The following DCBLD2 variants were observed in gnomAD, a reference collection of about 807,000 sequenced individuals.
DCBLD2 encodes discoidin, CUB and LCCL domain containing 2, also known as discoidin, CUB and LCCL domain-containing protein 2.
Under a neutral mutation model 86.8 loss-of-function variants are expected in DCBLD2, and 54 were observed. That is an observed-to-expected ratio of 0.62 (90% CI 0.50 to 0.78). The LOEUF (loss-of-function observed/expected upper bound fraction) is 0.78, where lower values mean the gene tolerates loss of function less well. Ranked by LOEUF, DCBLD2 falls within the 30% of genes least tolerant of loss-of-function variation. The pLI is 0.00. For missense variants in DCBLD2, 908 were observed against 954.2 expected (o/e 0.95, Z 0.64); for synonymous variants, 354 against 341.3 (o/e 1.04, Z -0.41).
Position 98,811,794 on chromosome 3 carries a change from T to G in DCBLD2, c.1364-240A>C, listed in dbSNP as rs1410827966. Among the ~76,000 whole-genome samples, 8 of 152,228 alleles carry G rather than the reference T, an allele frequency of 5.3e-5. 1 individual carries two copies. Among genetic ancestry groups the G allele is most frequent in the South Asian group, 4.1e-4 (2 of 4,828 alleles). ...CTGAAAATAATCTTAGGAAGAAGAA[T>G]AATGGGGTGGAAAGTGATGTTGAAT... On this transcript the variant is annotated intron_variant, in intron 10 of 15. Transcript: ENST00000326840.
intron 13 of DCBLD2, among the ~76,000 whole-genome samples, chr3:98,802,975 G>A (rs1941757933): frequency 6.6e-6 from 1 of 152,162 alleles, no homozygotes; most frequent in African/African-American, 2.4e-5. Context: ...TTTGAAGTCA[G>A]GTAACGTGAT....
At chr3:98,820,991 A>G (rs1373839574) in intron 6 of DCBLD2, 1 of 151,730 alleles carries the variant, frequency 6.6e-6, no homozygotes, top group Non-Finnish European at 1.5e-5. Flanking sequence ...GAAAAAAAAA[A>G]AAAAAAAGAA....
chr3:98,863,511 A>G (rs1472922844), intron 2 of DCBLD2, among the ~76,000 whole-genome samples: 1 of 152,230 alleles, frequency 6.6e-6, no homozygotes, highest in Admixed American at 6.5e-5. Flanking sequence ...GGACCAAAAC[A>G]GAGATATAGA....
intron 2 of DCBLD2, among the ~76,000 whole-genome samples, chr3:98,862,701 T>C (rs750631138): frequency 1.8e-4 from 27 of 152,144 alleles, no homozygotes; most frequent in Non-Finnish European, 2.8e-4. Context: ...CAATAAATCA[T>C]GTATTGATGA....
intron 2 of DCBLD2, among the ~76,000 whole-genome samples, chr3:98,849,874 CAAT>C (rs541549381): frequency 7.5e-4 from 86 of 114,002 alleles, no homozygotes; most frequent in African/African-American, 2.5e-3. Context: ...TCTTTCAAAA[CAAT>C]AATGAGGGAC....
At chr3:98,886,804 C>CCG (rs1265021994) in intron 1 of DCBLD2, among the ~76,000 whole-genome samples, 11 of 136,928 alleles carry the variant, frequency 8.0e-5, no homozygotes, top group Non-Finnish European at 1.6e-4. Context: ...AGGAAAACCC[C>CCG]CCCCCTTTTT....
intron 7 of DCBLD2, 49 bp downstream of exon 7, chr3:98,820,199 C>T: frequency 8.0e-7 from 1 of 1,252,790 alleles, no homozygotes; most frequent in Non-Finnish European, 1.0e-6. Flanking sequence ...TAACAGTGTT[C>T]AAAAAATATT....
At chr3:98,867,754 G>A (rs370757675) in intron 2 of DCBLD2, among the ~76,000 whole-genome samples, 1 of 62,540 alleles carries the variant, frequency 1.6e-5, no homozygotes, top group East Asian at 3.2e-4. Context: ...AGGGAATCAT[G>A]GAAAAGCATT....
chr3:98,864,043 C>A (rs190684602), intron 2 of DCBLD2, among the ~76,000 whole-genome samples: 15 of 151,982 alleles, frequency 9.9e-5, no homozygotes, highest in Non-Finnish European at 2.1e-4. Context: ...AGTGGGCGAA[C>A]GATATGAACA....
chr3:98,837,081 G>A (rs1942479265), intron 3 of DCBLD2, among the ~76,000 whole-genome samples: 1 of 16,498 alleles, frequency 6.1e-5, no homozygotes, highest in African/African-American at 2.3e-4. Context: ...CGGACGGGGC[G>A]GCTGGCCGGG....
intron 2 of DCBLD2, among the ~76,000 whole-genome samples, chr3:98,851,175 T>C (rs1942829249): frequency 6.6e-6 from 1 of 152,212 alleles, no homozygotes; most frequent in Non-Finnish European, 1.5e-5. Flanking sequence ...GCAGATGACA[T>C]GACTGTATAT....
chr3:98,879,700 G>A (rs1238619943), intron 2 of DCBLD2, among the ~76,000 whole-genome samples: 2 of 152,158 alleles, frequency 1.3e-5, no homozygotes, highest in African/African-American at 2.4e-5. Flanking sequence ...TCCAAGCAAA[G>A]TCTACATATT....
intron 2 of DCBLD2, among the ~76,000 whole-genome samples, chr3:98,878,219 C>CA (rs1943402749): frequency 2.6e-5 from 4 of 152,202 alleles, no homozygotes; most frequent in Admixed American, 2.6e-4. Context: ...AACTGAGAGA[C>CA]ATCACCTTAG....
At position 98,897,012 on chromosome 3, in the gene DCBLD2, C is replaced by A. The variant is rs556200957; in HGVS notation, c.205+4110G>T. Among the ~76,000 whole-genome samples, 6 of 152,288 alleles carry A rather than the reference C, an allele frequency of 3.9e-5. No individual in the cohort carries two copies. In the South Asian group the frequency reaches 1.2e-3, roughly 32 times the overall value. ...CTAAGTGTAGTCCTAAATTTAAATTCTACTCCTATGTAAATCTAGCCCTTT... is the reference window on the plus strand; with the variant it reads ...CTAAGTGTAGTCCTAAATTTAAATTATACTCCTATGTAAATCTAGCCCTTT... On this transcript the variant is annotated intron_variant, in intron 1 of 15. Transcript: ENST00000326840.
chr3:98,812,138 A>G (rs943650042), intron 10 of DCBLD2, among the ~76,000 whole-genome samples, 194 bp downstream of exon 10: 21 of 142,842 alleles, frequency 1.5e-4, no homozygotes, highest in African/African-American at 5.5e-4. Context: ...TTCCACTTAT[A>G]ATTTTGGAAA....
Position 98,822,656 on chromosome 3 carries a change from A to G in DCBLD2, c.696+13T>C. ...TATATCACAATTTTCAAATAAGTTT[A>G]TATCTGGCTTACATCTCTATATCCA... On this transcript the variant is annotated intron_variant, in intron 5 of 15. Transcript: ENST00000326840. 2 of 1,559,434 alleles carry G rather than the reference A, an allele frequency of 1.3e-6. No homozygotes were observed. Among genetic ancestry groups the G allele is most frequent in the Non-Finnish European group, 1.7e-6 (2 of 1,154,154 alleles).
intron 14 of DCBLD2, 118 bp from the exon 15 acceptor site, chr3:98,800,834 A>C: frequency 1.4e-6 from 2 of 1,426,434 alleles, no homozygotes; most frequent in Non-Finnish European, 9.5e-7. Context: ...ATCTCTACAA[A>C]CTTGCCTTTA....
chr3:98,843,000 A>C (rs528475566), intron 3 of DCBLD2, among the ~76,000 whole-genome samples: 2 of 152,322 alleles, frequency 1.3e-5, no homozygotes, highest in South Asian at 4.1e-4. Flanking sequence ...AAAATCATTA[A>C]GATGCTCTTC....
At chr3:98,816,912 A>G (rs6788418) in intron 9 of DCBLD2, among the ~76,000 whole-genome samples, 66,069 of 151,714 alleles carry the variant, frequency 0.44, 14,560 homozygotes, top group African/African-American at 0.46. Flanking sequence ...CTCCCAAGAA[A>G]CTGGGACTAC....
Sources: gnomAD v4.1 joint callset for allele counts (sites outside exome capture counted in the v4.1 genomes callset) on GRCh38, gnomAD v4.1.1 for gene constraint, MANE v1.5 for transcripts, NCBI Gene and HGNC (gene_info 2026-07-23, HGNC 2026-07-21) for gene names.